ZNF148: variants seen among roughly 807,000 people sequenced by gnomAD.
ZNF148 encodes the protein zinc finger protein 148, also known as Beta-Enolase Repressor Factor-1.
In ZNF148, 7 loss-of-function variants were observed where a neutral mutation model predicts 67.7. The ratio of observed to expected loss-of-function variants is 0.10; its 90% CI spans 0.06 to 0.19. The LOEUF (loss-of-function observed/expected upper bound fraction) is 0.19. Among genes scored for constraint, ZNF148 ranks in the 10% least tolerant of loss-of-function variants. The pLI is 1.00. For synonymous variants in ZNF148, 333 were observed against 330.7 expected, an observed-to-expected ratio of 1.01 and a Z score of -0.08; for missense variants, 583 against 947.1, an observed-to-expected ratio of 0.62 and a Z score of 5.05.
chr3:125,253,242 T>C (rs1936922380), intron 7 of ZNF148, among the ~76,000 whole-genome samples: 1 of 152,214 alleles, frequency 6.6e-6, no homozygotes. Context: ...TCTGATCCTT[T>C]TAAGTTATTT....
intron 7 of ZNF148, among the ~76,000 whole-genome samples, chr3:125,249,743 T>C (rs1014183360): frequency 2.0e-5 from 3 of 152,220 alleles, no homozygotes; most frequent in East Asian, 1.9e-4. Context: ...GTAGCATTAT[T>C]CACAATAGCC....
At chr3:125,302,991 G>A (rs1939674365) in intron 4 of ZNF148, among the ~76,000 whole-genome samples, 2 of 152,198 alleles carry the variant, frequency 1.3e-5, no homozygotes, top group Admixed American at 1.3e-4. Context: ...ATGGTAAACT[G>A]CGGTACATTG....
intron 4 of ZNF148, among the ~76,000 whole-genome samples, chr3:125,293,466 A>G (rs966934063): frequency 6.6e-6 from 1 of 152,188 alleles, no homozygotes; most frequent in Non-Finnish European, 1.5e-5. Context: ...TATCCAAACA[A>G]AAAAGAACCA....
Position 125,230,279 on chromosome 3 carries a change from A to AT in ZNF148, c.*2061dup, listed in dbSNP as rs1424231928. 1 of 152,590 alleles carries AT rather than the reference A, an allele frequency of 6.6e-6. No individual in the cohort carries two copies. The highest frequency in any genetic ancestry group is 1.5e-5 in the Non-Finnish European group (1 of 68,022). 9.5% of individuals were successfully genotyped at this position (152,590 alleles called of 1,614,324 possible). On this transcript the variant is annotated 3_prime_UTR_variant, in exon 9 of 9. Coordinates refer to ENST00000360647, the MANE Select transcript of ZNF148 (RefSeq NM_021964.3). ...CCAAAAGAGAAAAATACCAATGCCT[A>AT]TTTAGGGTGAGCACAGTTCCATTTT... is the stretch of plus-strand genomic sequence containing the variant.
chr3:125,260,714 A>C (rs984029071), intron 7 of ZNF148, among the ~76,000 whole-genome samples: 10 of 152,228 alleles, frequency 6.6e-5, no homozygotes, highest in Non-Finnish European at 1.5e-5. Flanking sequence ...ACACGCACAG[A>C]ACTATACACT....
At chr3:125,261,725 A>G (rs541494260) in intron 7 of ZNF148, among the ~76,000 whole-genome samples, 95 of 152,020 alleles carry the variant, frequency 6.2e-4, no homozygotes, top group Admixed American at 1.1e-3. Flanking sequence ...GTCTAACATG[A>G]CCATGACAGA....
chr3:125,252,952 T>C (rs1019797433), intron 7 of ZNF148, among the ~76,000 whole-genome samples: 8 of 152,182 alleles, frequency 5.3e-5, no homozygotes, highest in Non-Finnish European at 1.2e-4. Context: ...TAATATATCT[T>C]GATATCCAGC....
At chr3:125,255,378 C>T (rs1357939595) in intron 7 of ZNF148, among the ~76,000 whole-genome samples, 1 of 150,926 alleles carries the variant, frequency 6.6e-6, no homozygotes, top group Non-Finnish European at 1.5e-5. Flanking sequence ...TCCCAAGTAG[C>T]TAGGATTATA....
At chr3:125,338,507 G>A (rs547164516) in intron 1 of ZNF148, among the ~76,000 whole-genome samples, 8 of 151,196 alleles carry the variant, frequency 5.3e-5, no homozygotes, top group African/African-American at 1.9e-4. Context: ...ACTATTACAA[G>A]TAATTAGCCA....
intron 7 of ZNF148, among the ~76,000 whole-genome samples, chr3:125,255,604 A>G (rs187123060): frequency 1.3e-5 from 2 of 152,040 alleles, no homozygotes; most frequent in South Asian, 2.1e-4. Flanking sequence ...AACCTAAGGA[A>G]CTATGGTTTC....
chr3:125,238,616 A>G (rs547004652), intron 7 of ZNF148, among the ~76,000 whole-genome samples: 9 of 152,324 alleles, frequency 5.9e-5, no homozygotes, highest in African/African-American at 1.9e-4. Context: ...CGACAGAAAA[A>G]GACTCTGTCT....
At chr3:125,362,567 T>G (rs1020231050) in intron 1 of ZNF148, among the ~76,000 whole-genome samples, 1 of 151,764 alleles carries the variant, frequency 6.6e-6, no homozygotes, top group African/African-American at 2.4e-5. Context: ...TTTTTGTTTT[T>G]TTTTTGAGAC....
intron 1 of ZNF148, among the ~76,000 whole-genome samples, chr3:125,345,581 TAACAACAAC>T (rs145079901): frequency 6.6e-6 from 1 of 150,576 alleles, no homozygotes; most frequent in African/African-American, 2.4e-5. Flanking sequence ...CTATCAAAAC[TAACAACAAC>T]AACAACAACA....
chr3:125,239,669 A>T (rs1432799957), intron 7 of ZNF148, among the ~76,000 whole-genome samples: 1 of 152,242 alleles, frequency 6.6e-6, no homozygotes, highest in Non-Finnish European at 1.5e-5. Context: ...CATACCCAAG[A>T]CAACTAAAAA....
rs748468092 is a variant in ZNF148, at chr3:125,232,662, G to C, written c.2064C>G (p.Pro688=). The part of the protein sequence containing the change: ...LIVGDSQHSF[P]FSGDETNHAS... ...CATGGTTTGTCTCATCACCTGAAAA[G>C]GGAAATGAGTGCTGTGAATCACCAA... The change falls in exon 9 of 9, where the codon CCC becomes CCG. Residue 688 remains proline, a synonymous_variant. Coordinates refer to ENST00000360647, the MANE Select transcript of ZNF148 (RefSeq NM_021964.3). This position sits in a 1 kb window ranked among gnomAD's most constrained non-coding sequence, Gnocchi z 4.2. The C allele has an allele frequency of 5.0e-6, 8 of 1,613,854 alleles. No individual in the cohort carries two copies. The highest frequency in any genetic ancestry group is 4.2e-6 in the Non-Finnish European group (5 of 1,179,794).
At position 125,272,716 on chromosome 3, in the gene ZNF148, GAT is replaced by G. The variant is rs1279154019; in HGVS notation, c.667+5008_667+5009del. Among the ~76,000 whole-genome samples the G allele has an allele frequency of 2.0e-5, 3 of 152,022 alleles. No homozygotes were observed. The East Asian group carries it at 5.8e-4, about 29-fold the overall frequency. The stretch of plus-strand genomic sequence containing the variant: ...TTTTATGTCTTTATTGGGATATTTT[GAT>G]ATATAGTGTTAAGCTTTTATATGTT... On this transcript the variant is annotated intron_variant, in intron 7 of 8. Coordinates refer to ENST00000360647, the MANE Select transcript of ZNF148 (RefSeq NM_021964.3).
intron 7 of ZNF148, among the ~76,000 whole-genome samples, chr3:125,235,634 T>A (rs75777145): frequency 0.019 from 2,931 of 152,258 alleles, 46 homozygotes; most frequent in South Asian, 0.058. Flanking sequence ...AAACTTTTTT[T>A]AAATTTCAAA....
chr3:125,319,525 G>A (rs1481061528), intron 3 of ZNF148, among the ~76,000 whole-genome samples: 10 of 152,092 alleles, frequency 6.6e-5, no homozygotes, highest in African/African-American at 2.2e-4. Flanking sequence ...GGAAAAAAAT[G>A]CTTGCTGAGG....
intron 1 of ZNF148, chr3:125,357,940 CT>C (rs35233433): frequency 0.76 from 115,076 of 152,120 alleles, 44,050 homozygotes; most frequent in African/African-American, 0.85. Context: ...TCTTGCCTTG[CT>C]TGTTTTATAT....
Sources: gnomAD v4.1 joint callset for allele counts (sites outside exome capture counted in the v4.1 genomes callset) on GRCh38, gnomAD v4.1.1 for gene constraint, Gnocchi (gnomAD v3.1) non-coding constraint, MANE v1.5 for transcripts, NCBI Gene and HGNC (gene_info 2026-07-23, HGNC 2026-07-21) for gene names.